PAK3: variants seen among roughly 807,000 people sequenced by gnomAD.
PAK3 encodes p21 (RAC1) activated kinase 3, also known as serine/threonine-protein kinase PAK 3.
A neutral mutation model predicts 41.0 loss-of-function variants in PAK3; 4 were observed. That is an observed-to-expected ratio of 0.10 (90% CI 0.05 to 0.22). The LOEUF is 0.22. PAK3 is among the 10% of genes least tolerant of loss of function. PAK3 has a pLI of 1.00. For missense variants in PAK3, 205 were observed against 409.9 expected (o/e 0.50, Z 4.32); for synonymous variants, 146 against 139.6 (o/e 1.05, Z -0.32).
chrX:111,148,006 G>A lies in PAK3; in HGVS notation c.430+116G>A. ...ATCGATTCTAGTACCTTCTTCAAATGACATCAACATAAGGAAACCAAAAAA... is the reference window on the plus strand; with the variant it reads ...ATCGATTCTAGTACCTTCTTCAAATAACATCAACATAAGGAAACCAAAAAA... On this transcript the variant is annotated intron_variant, in intron 7 of 17. Transcript: ENST00000372007. 4.8e-6 allele frequency: 3 copies of A among 627,404 alleles called. No individual in the cohort carries two copies. The East Asian group carries it at 1.0e-4, about 22-fold the overall frequency. The allele number at this position is 627,404 out of a possible 1,213,427, so 51.7% of individuals were successfully genotyped here.
intron 1 of PAK3, among the ~76,000 whole-genome samples, chrX:110,963,594 G>A (rs188821704): frequency 9.9e-4 from 111 of 112,566 alleles, no homozygotes; most frequent in Middle Eastern, 4.6e-3. Flanking sequence ...TAAGCCTCTA[G>A]TGTCATCTCT....
chrX:110,999,553 T>C (rs887265678), intron 1 of PAK3, among the ~76,000 whole-genome samples: 1 of 111,033 alleles, frequency 9.0e-6, no homozygotes, highest in Non-Finnish European at 1.9e-5. Flanking sequence ...CAGAGCCAGA[T>C]TGTGAATCTA....
At position 111,046,314 on chromosome X, in the gene PAK3, T is replaced by C. The variant is rs112339825; in HGVS notation, c.-27-76763T>C. ...TGTTTGTTTACAATAGATGGAATGGTATTGTGTAAGGGAGGGCTTACTCCA... is the reference window on the plus strand; with the variant it reads ...TGTTTGTTTACAATAGATGGAATGGCATTGTGTAAGGGAGGGCTTACTCCA... On this transcript the variant is annotated intron_variant, in intron 1 of 14. Coordinates refer to the PAK3 transcript ENST00000425146. Among the ~76,000 whole-genome samples the C allele has an allele frequency of 7.1e-3, 786 of 111,404 alleles. 5 individuals are homozygous for C. Among genetic ancestry groups the C allele is most frequent in the Non-Finnish European group, 0.012 (628 of 53,042 alleles).
At chrX:110,944,601 C>T in exon 1 of PAK3, 1 of 112,549 alleles carries the variant, frequency 8.9e-6, no homozygotes, top group Middle Eastern at 4.5e-3. Flanking sequence ...CGCCCTCCTT[C>T]GCTCTGACCA....
chrX:111,190,467 C>A (rs765674625), intron 11 of PAK3, among the ~76,000 whole-genome samples: 4 of 111,797 alleles, frequency 3.6e-5, no homozygotes, highest in African/African-American at 1.3e-4. Context: ...CTGACATATA[C>A]AACATACTCA....
chrX:110,985,679 A>G (rs189089779), intron 1 of PAK3, among the ~76,000 whole-genome samples: 1 of 111,991 alleles, frequency 8.9e-6, no homozygotes, highest in East Asian at 2.8e-4. Flanking sequence ...CAGTATAACC[A>G]GCACGTATTG....
chrX:111,114,223 A>C (rs1490661763), intron 4 of PAK3, among the ~76,000 whole-genome samples: 2 of 112,296 alleles, frequency 1.8e-5, no homozygotes, highest in Non-Finnish European at 3.8e-5. Context: ...TACATTTTAC[A>C]TATAATGTGT....
intron 13 of PAK3, among the ~76,000 whole-genome samples, chrX:111,193,103 A>G (rs186223543): frequency 4.5e-5 from 5 of 111,739 alleles, no homozygotes; most frequent in African/African-American, 9.8e-5. Context: ...ACAGTGTGTT[A>G]TAAATAGGTA....
At chrX:111,210,353 C>A (rs2149379071) in intron 16 of PAK3, among the ~76,000 whole-genome samples, 1 of 111,109 alleles carries the variant, frequency 9.0e-6, no homozygotes, top group Admixed American at 9.6e-5. Context: ...TCTGCATTGG[C>A]CATGTTTTAG....
chrX:111,065,174 T>C (rs894532713), intron 1 of PAK3, among the ~76,000 whole-genome samples: 3 of 112,202 alleles, frequency 2.7e-5, no homozygotes, highest in Non-Finnish European at 5.6e-5. Context: ...GTCCATTCAG[T>C]ATGACATTGG....
At chrX:111,095,476 G>T (rs781731677), upstream of PAK3, among the ~76,000 whole-genome samples, 1 of 111,960 alleles carries the variant, frequency 8.9e-6, no homozygotes, top group African/African-American at 3.2e-5. Context: ...TAAAGCTTTG[G>T]CCATCTGCAA....
intron 1 of PAK3, among the ~76,000 whole-genome samples, chrX:111,024,587 C>T (rs1345205435): frequency 3.6e-5 from 4 of 110,695 alleles, no homozygotes; most frequent in African/African-American, 1.3e-4. Context: ...AAGGACTAGT[C>T]CAACAGAAAA....
At chrX:110,978,641 CTTCT>C (rs999141956) in intron 1 of PAK3, among the ~76,000 whole-genome samples, 1 of 110,437 alleles carries the variant, frequency 9.1e-6, no homozygotes, top group Non-Finnish European at 1.9e-5. Context: ...TGGTTTGTGC[CTTCT>C]TTCTTTTTCT....
intron 16 of PAK3, 65 bp from the exon 17 acceptor site, chrX:111,216,356 C>T (rs1246925168): frequency 1.6e-5 from 13 of 819,682 alleles, no homozygotes; most frequent in East Asian, 3.2e-5. Context: ...GGATTTTTGC[C>T]GTCTGTGCCA....
At position 111,222,723 on chromosome X, in the gene PAK3, A is replaced by G. The variant is rs2094934362; in HGVS notation, c.*2276A>G. ...GCCCAATACCTGGTTAGGAAGCCCT[A>G]TTCATTAGTTAGCATCCCTTACATG... On this transcript the variant is annotated 3_prime_UTR_variant, in exon 18 of 18. Transcript: ENST00000372007. The G allele has an allele frequency of 9.0e-6, 1 of 111,436 alleles. No individual in the cohort carries two copies. Among genetic ancestry groups the G allele is most frequent in the African/African-American group, 3.3e-5 (1 of 30,640 alleles). 9.2% of individuals were successfully genotyped at this position (111,436 alleles called of 1,213,427 possible).
chrX:111,196,040 G>T (rs184119895), intron 15 of PAK3, 99 bp downstream of exon 15: 1 of 618,261 alleles, frequency 1.6e-6, no homozygotes, highest in African/African-American at 2.2e-5. Context: ...TGATTTATTT[G>T]AAAGAAGTTA....
chrX:111,196,373 A>G (rs751516644), intron 15 of PAK3, 71 bp from the exon 16 acceptor site: 4 of 828,092 alleles, frequency 4.8e-6, no homozygotes, highest in Non-Finnish European at 5.5e-6. Context: ...AGGTACAGCC[A>G]TATCTGAAAG....
chrX:111,133,664 G>A lies in PAK3; in HGVS notation c.176-8432G>A, dbSNP rs769406503. On this transcript the variant is annotated intron_variant, in intron 5 of 17. Coordinates refer to ENST00000372007, the MANE Select transcript of PAK3 (RefSeq NM_002578.5). ...GGAGGAAGTTGTGTTTTAGAGCCAAGGTTGTAAAATGCTTGCCTCATAGAA... is the reference window on the plus strand; with the variant it reads ...GGAGGAAGTTGTGTTTTAGAGCCAAAGTTGTAAAATGCTTGCCTCATAGAA... Among the ~76,000 whole-genome samples, 50 of 111,726 alleles carry A rather than the reference G, an allele frequency of 4.5e-4. 1 individual carries two copies. The highest frequency in any genetic ancestry group is 1.6e-3 in the African/African-American group (50 of 30,771).
At chrX:110,999,903 G>T (rs1382873568) in intron 1 of PAK3, among the ~76,000 whole-genome samples, 1 of 111,364 alleles carries the variant, frequency 9.0e-6, no homozygotes, top group South Asian at 3.8e-4. Context: ...AGGGGGCGAA[G>T]GTTGCAGTGA....
Sources: allele counts gnomAD v4.1 joint callset (sites outside exome capture counted in the v4.1 genomes callset), GRCh38; gene constraint gnomAD v4.1.1; transcripts MANE v1.5; gene names NCBI Gene and HGNC (gene_info 2026-07-23, HGNC 2026-07-21).